Variants in CLCNKA observed in about 807,000 individuals in gnomAD.
The protein encoded by CLCNKA is chloride voltage-gated channel Ka, also known as chloride channel protein ClC-Ka.
Under a neutral mutation model 83.3 loss-of-function variants are expected in CLCNKA, and 66 were observed. The ratio of observed to expected loss-of-function variants is 0.79; its 90% CI spans 0.65 to 0.97. The LOEUF (loss-of-function observed/expected upper bound fraction) is 0.97. Ranked by LOEUF, CLCNKA falls within the 50% of genes least tolerant of loss-of-function variation. The pLI is 0.00. For synonymous variants in CLCNKA, 357 were observed against 370.4 expected, an observed-to-expected ratio of 0.96 and a Z score of 0.42; for missense variants, 806 against 888.7, an observed-to-expected ratio of 0.91 and a Z score of 1.18.
At position 16,027,703 on chromosome 1, in the gene CLCNKA, A is replaced by G. The variant is rs1050681515; in HGVS notation, c.782-118A>G. On this transcript the variant is annotated intron_variant, in intron 8 of 19. Coordinates refer to ENST00000331433, the MANE Select transcript of CLCNKA (RefSeq NM_004070.4). The stretch of plus-strand genomic sequence containing the variant: ...CCTGGTTGTGGGGGCCTGGAATGCC[A>G]GGACACAGATTCCGAGTCAGGACCT... The G allele has an allele frequency of 2.6e-6, 4 of 1,518,596 alleles. No homozygotes were observed. In the African/African-American group the frequency reaches 4.1e-5, roughly 16 times the overall value. 94.1% of individuals were successfully genotyped at this position (1,518,596 alleles called of 1,614,324 possible). A position where few individuals can be genotyped will look rare whatever the true frequency, so the allele number is the denominator to read the frequency against.
In CLCNKA at chr1:16,024,901, C is replaced by T. The variant is rs747415240; in HGVS notation, c.358+10C>T. 60 of 1,613,850 alleles carry T rather than the reference C, an allele frequency of 3.7e-5. No individual in the cohort carries two copies. Among genetic ancestry groups the T allele is most frequent in the Non-Finnish European group, 4.7e-5 (55 of 1,179,966 alleles). ...ACGCCCTCCTCTGGAGGTGAGTCCA[C>T]GGTCGCCATGCCAGTCCCCAGTGCC... On this transcript the variant is annotated intron_variant, in intron 4 of 19. Coordinates refer to ENST00000331433, the MANE Select transcript of CLCNKA (RefSeq NM_004070.4).
chr1:16,026,752 C>G lies in CLCNKA; in HGVS notation c.632C>G (p.Thr211Arg). 3 of 1,613,592 alleles carry G rather than the reference C, an allele frequency of 1.9e-6. No individual in the cohort carries two copies. Among genetic ancestry groups the G allele is most frequent in the Non-Finnish European group, 2.5e-6 (3 of 1,179,842 alleles). The change falls in exon 7 of 20, where the codon ACA (threonine) becomes AGA (arginine). Residue 211 changes from threonine to arginine, a missense_variant. Thr to Arg is a moderately conservative substitution (Grantham distance 71, BLOSUM62 -1). Transcript: ENST00000331433. ...LVAAAAVGVA[T>R]VFAAPFSGVL... ...GCAGCGGCGGCAGTGGGCGTGGCCA[C>G]AGTCTTTGCAGCTCCCTTCAGCGGT...
chr1:16,027,178 T>G, intron 7 of CLCNKA, 132 bp from the exon 8 acceptor site: 2 of 1,334,318 alleles, frequency 1.5e-6, no homozygotes, highest in Non-Finnish European at 2.1e-6. Context: ...TGCCCTCCCC[T>G]TCTGTCTGTC....
chr1:16,028,196 C>A lies in CLCNKA; in HGVS notation c.968+77C>A, dbSNP rs567160606. Reference sequence around the variant, plus strand: ...CCAGACCTTATGTAGAAAGCCCCACCCCCATCCTCCCACTGAGCCCCTAAA... The same window carrying A: ...CCAGACCTTATGTAGAAAGCCCCACACCCATCCTCCCACTGAGCCCCTAAA... On this transcript the variant is annotated intron_variant, in intron 10 of 19. Transcript: ENST00000331433. The A allele has an allele frequency of 9.7e-4, 1,318 of 1,357,314 alleles. 2 individuals are homozygous for A. Among genetic ancestry groups the A allele is most frequent in the Non-Finnish European group, 1.2e-3 (1,172 of 952,374 alleles). The allele number at this position is 1,357,314 out of a possible 1,614,324, so 84.1% of individuals were successfully genotyped here. A position where few individuals can be genotyped will look rare whatever the true frequency, so the allele number is the denominator to read the frequency against.
At chr1:16,030,786 G>T in intron 15 of CLCNKA, 112 bp downstream of exon 15, 2 of 1,371,794 alleles carry the variant, frequency 1.5e-6, no homozygotes, top group East Asian at 2.4e-5. Context: ...TCCGACATGG[G>T]GGCTGGGAGG....
In CLCNKA at chr1:16,033,222, G is replaced by A. The variant is rs140290085; in HGVS notation, c.1982G>A (p.Arg661Gln). ...LNLQSLFVTS[R>Q]GRAVGCVSWV... ...CTTCAGTCCCTCTTCGTGACATCGC[G>A]GGGCAGAGCTGTGGGCTGCGTGTCC... Residue 661 changes from arginine to glutamine, a missense_variant, in exon 19 of 20, where the codon CGG becomes CAG. Transcript: ENST00000331433. 1,409 of 1,614,140 alleles carry A rather than the reference G, an allele frequency of 8.7e-4. 10 individuals are homozygous for A. The African/African-American group carries it at 0.015, about 18-fold the overall frequency.
intron 15 of CLCNKA, among the ~76,000 whole-genome samples, chr1:16,030,971 G>A (rs1468297361): frequency 1.3e-5 from 2 of 152,196 alleles, no homozygotes; most frequent in Admixed American, 6.5e-5. Context: ...GAGAGGTGCC[G>A]TGTCTTGCTC....
intron 7 of CLCNKA, 193 bp downstream of exon 7, chr1:16,026,968 G>T: frequency 2.8e-6 from 2 of 712,670 alleles, no homozygotes; most frequent in Non-Finnish European, 4.7e-6. Flanking sequence ...GTGGTTGGGC[G>T]GTGCTGAGAG....
Position 16,024,666 on chromosome 1 carries a change from G to C in CLCNKA, c.230-97G>C, listed in dbSNP as rs1008524502. On this transcript the variant is annotated intron_variant, in intron 3 of 19. Coordinates refer to ENST00000331433, the MANE Select transcript of CLCNKA (RefSeq NM_004070.4). ...TCTGTGGCCTGGTCCTCCCCTCTTC[G>C]TGACTCCATTTCCTGGTCAGTAAGT... 1.0e-5 allele frequency: 16 copies of C among 1,546,802 alleles called. No individual in the cohort carries two copies. The Admixed American group carries it at 2.1e-4, about 20-fold the overall frequency.
At position 16,024,889 on chromosome 1, in the gene CLCNKA, G is replaced by A. The variant is rs1229009512; in HGVS notation, c.356G>A (p.Gly119Glu). 1 of 1,614,092 alleles carries A rather than the reference G, an allele frequency of 6.2e-7. No homozygotes were observed. Among genetic ancestry groups the A allele is most frequent in the Non-Finnish European group, 8.5e-7 (1 of 1,180,024 alleles). Reference protein sequence around the residue: ...GFSQSITPSSGGSGIPELKTM... With the variant: ...GFSQSITPSSEGSGIPELKTM... ...TCCCAGAGCATCACGCCCTCCTCTGGAGGTGAGTCCACGGTCGCCATGCCA... is the reference window on the plus strand; with the variant it reads ...TCCCAGAGCATCACGCCCTCCTCTGAAGGTGAGTCCACGGTCGCCATGCCA... The change falls in exon 4 of 20, where the codon GGA (glycine) becomes GAA (glutamate). Residue 119 changes from glycine (G) to glutamate (E), a missense_variant and splice_region_variant. Transcript: ENST00000331433.
chr1:16,023,283 C>T (rs558592968), intron 2 of CLCNKA, among the ~76,000 whole-genome samples: 60 of 152,366 alleles, frequency 3.9e-4, no homozygotes, highest in African/African-American at 1.4e-3. Context: ...CCTGGCGCCA[C>T]AGGCCCTGGG....
chr1:16,027,298 T>C lies in CLCNKA; in HGVS notation c.656-12T>C, dbSNP rs2022401852. 2 of 1,612,604 alleles carry C rather than the reference T, an allele frequency of 1.2e-6. No individual in the cohort carries two copies. The highest frequency in any genetic ancestry group is 1.7e-6 in the Non-Finnish European group (2 of 1,179,968). ...GGGGTGGGGGCCCACCTGACATCAG[T>C]GTCGCCCCCAGGCGTCCTGTTCAGC... On this transcript the variant is annotated splice_polypyrimidine_tract_variant and intron_variant, in intron 7 of 19. Transcript: ENST00000331433.
intron 2 of CLCNKA, among the ~76,000 whole-genome samples, 164 bp from the exon 3 acceptor site, chr1:16,023,636 G>A (rs549448541): frequency 3.3e-5 from 5 of 152,324 alleles, no homozygotes; most frequent in African/African-American, 7.2e-5. Flanking sequence ...TGCGAGGAAC[G>A]TGGACAACTT....
chr1:16,025,572 T>A (rs1255961562), intron 4 of CLCNKA, among the ~76,000 whole-genome samples: 1 of 151,898 alleles, frequency 6.6e-6, no homozygotes, highest in East Asian at 1.9e-4. Flanking sequence ...TAGTCCCAGC[T>A]ACTTGGAAGG....
At chr1:16,024,649 C>T in intron 3 of CLCNKA, 114 bp from the exon 4 acceptor site, 2 of 1,437,252 alleles carry the variant, frequency 1.4e-6, no homozygotes, top group Middle Eastern at 2.4e-4. Flanking sequence ...ACTCTGTGGC[C>T]TGGTCCTCCC....
chr1:16,026,871 A>G lies in CLCNKA; in HGVS notation c.655+96A>G, dbSNP rs966110339. The G allele has an allele frequency of 5.5e-5, 82 of 1,493,460 alleles. No individual in the cohort carries two copies. The South Asian group carries it at 6.4e-4, about 12-fold the overall frequency. 92.5% of individuals were successfully genotyped at this position (1,493,460 alleles called of 1,614,324 possible). A position where few individuals can be genotyped will look rare whatever the true frequency, so the allele number is the denominator to read the frequency against. On this transcript the variant is annotated intron_variant, in intron 7 of 19. Transcript: ENST00000331433. Reference sequence around the variant, plus strand: ...CCCAGCTGAGAGCCTGGAGGAGGGGATGGGGCTCATTCTTGTTCTCACTTC... The same window carrying G: ...CCCAGCTGAGAGCCTGGAGGAGGGGGTGGGGCTCATTCTTGTTCTCACTTC...
In CLCNKA at chr1:16,031,457, C is replaced by G. The variant is rs543291541; in HGVS notation, c.1623-253C>G. Among the ~76,000 whole-genome samples the G allele has an allele frequency of 2.6e-5, 4 of 152,062 alleles. No homozygotes were observed. In the South Asian group the frequency reaches 8.3e-4, roughly 31 times the overall value. ...GCTCTGTCCAAGGTGGGACAAGACC[C>G]AAGTGAAGCTGGTCTGGGGGACATG... is the stretch of plus-strand genomic sequence containing the variant. On this transcript the variant is annotated intron_variant, in intron 15 of 19. Coordinates refer to ENST00000331433, the MANE Select transcript of CLCNKA (RefSeq NM_004070.4).
Position 16,022,592 on chromosome 1 carries a change from TC to T in CLCNKA, c.-7-18del. 1 of 1,533,110 alleles carries T rather than the reference TC, an allele frequency of 6.5e-7. No individual in the cohort carries two copies. 95.0% of individuals were successfully genotyped at this position (1,533,110 alleles called of 1,614,324 possible). ...ACGTGCAGCAGCTCACCCGGGTCCT[TC>T]CCTCCATCTGCTTCTCCAGGGGCCT... On this transcript the variant is annotated intron_variant, in intron 1 of 19. Transcript: ENST00000331433.
In CLCNKA at chr1:16,029,293, T is replaced by A; in HGVS notation, c.1221T>A (p.Val407=). ...TIFGTLAFFL[V]MKFWMLILAT... Reference sequence around the variant, plus strand: ...TTGGGACCCTTGCCTTCTTCCTGGTTATGAAGGTGGGCCCCCTGACCCCCA... The same window carrying A: ...TTGGGACCCTTGCCTTCTTCCTGGTAATGAAGGTGGGCCCCCTGACCCCCA... The change falls in exon 12 of 20, where the codon GTT becomes GTA. Residue 407 remains valine (V), a synonymous_variant. Transcript: ENST00000331433. 1 of 1,613,756 alleles carries A rather than the reference T, an allele frequency of 6.2e-7. No individual in the cohort carries two copies. Among genetic ancestry groups the A allele is most frequent in the Non-Finnish European group, 8.5e-7 (1 of 1,179,974 alleles).
Sources: allele counts gnomAD v4.1 joint callset (sites outside exome capture counted in the v4.1 genomes callset), GRCh38; gene constraint gnomAD v4.1.1; transcripts MANE v1.5; gene names NCBI Gene and HGNC (gene_info 2026-07-23, HGNC 2026-07-21).